PTPRK: variants seen among roughly 807,000 people sequenced by gnomAD.
PTPRK encodes protein tyrosine phosphatase receptor type K, also known as receptor-type tyrosine-protein phosphatase kappa.
Under a neutral mutation model 178.0 loss-of-function variants are expected in PTPRK, and 75 were observed. The observed-to-expected ratio is 0.42, with a 90% confidence interval of 0.35 to 0.51. The LOEUF (loss-of-function observed/expected upper bound fraction) is 0.51, where lower values mean the gene tolerates loss of function less well. PTPRK is among the 20% of genes least tolerant of loss of function. The probability of loss-of-function intolerance (pLI) is 0.02; values close to 1 mark genes in which losing one functional copy is unlikely to be tolerated. For missense variants in PTPRK, 1,441 were observed against 1,797.8 expected (o/e 0.80, Z 3.59); for synonymous variants, 637 against 620.6 (o/e 1.03, Z -0.39).
At chr6:127,993,671 T>C (rs1342605801) in intron 18 of PTPRK, among the ~76,000 whole-genome samples, 2 of 151,686 alleles carry the variant, frequency 1.3e-5, no homozygotes, top group East Asian at 3.9e-4. Context: ...TATACCACAA[T>C]GTTTTATGGA....
chr6:128,342,050 C>T (rs1282089541), intron 2 of PTPRK, among the ~76,000 whole-genome samples: 1 of 152,034 alleles, frequency 6.6e-6, no homozygotes, highest in African/African-American at 2.4e-5. Context: ...GTCAGGAGTT[C>T]GAGACCAGCC....
rs1848704232 is a variant in PTPRK at position 128,458,916 on chromosome 6, C to T, written c.101-61228G>A. ...ACAAACGACGGACATTTCTCATGGT[C>T]ATTCAAATATTCCTTCTATTATTAA... On this transcript the variant is annotated intron_variant, in intron 1 of 29. Coordinates refer to ENST00000368226, the MANE Select transcript of PTPRK (RefSeq NM_002844.4). 2.0e-5 allele frequency among the ~76,000 whole-genome samples: 3 copies of T among 152,258 alleles called. No individual in the cohort carries two copies. The South Asian group carries it at 6.2e-4, about 32-fold the overall frequency.
At chr6:128,294,393 G>T (rs1450728335) in intron 3 of PTPRK, among the ~76,000 whole-genome samples, 1 of 151,606 alleles carries the variant, frequency 6.6e-6, no homozygotes, top group Non-Finnish European at 1.5e-5. Context: ...TCTTTCTCCA[G>T]TGTACCCTGA....
At chr6:128,342,870 T>A (rs958949204) in intron 2 of PTPRK, among the ~76,000 whole-genome samples, 1 of 152,134 alleles carries the variant, frequency 6.6e-6, no homozygotes, top group Non-Finnish European at 1.5e-5. Context: ...GAGGATCACT[T>A]GAGCCCAGGA....
chr6:128,068,977 G>A (rs1232538724), intron 11 of PTPRK, among the ~76,000 whole-genome samples: 1 of 151,590 alleles, frequency 6.6e-6, no homozygotes, highest in Non-Finnish European at 1.5e-5. Context: ...GAGACAGAGA[G>A]AGAGAGGAGA....
At chr6:128,225,548 T>C (rs1811150107) in intron 5 of PTPRK, among the ~76,000 whole-genome samples, 1 of 152,130 alleles carries the variant, frequency 6.6e-6, no homozygotes, top group Non-Finnish European at 1.5e-5. Flanking sequence ...AAAGATACTA[T>C]CATCATCACA....
chr6:128,085,803 G>A lies in PTPRK; in HGVS notation c.1466-1979C>T, dbSNP rs377555985. On this transcript the variant is annotated intron_variant, in intron 8 of 29. Coordinates refer to ENST00000368226, the MANE Select transcript of PTPRK (RefSeq NM_002844.4). ...GACAAAAGTTTGTGGCAAAGTTGTG[G>A]ACAAGAGAGTGTCATACTACTTGTC... Among the ~76,000 whole-genome samples the A allele has an allele frequency of 3.3e-5, 5 of 152,276 alleles. No individual in the cohort carries two copies. The South Asian group carries it at 1.0e-3, about 32-fold the overall frequency.
intron 1 of PTPRK, among the ~76,000 whole-genome samples, chr6:128,475,411 A>G (rs1851250415): frequency 6.6e-6 from 1 of 152,096 alleles, no homozygotes; most frequent in South Asian, 2.1e-4. Flanking sequence ...ACAGCGAAAG[A>G]TAGATTGGTT....
chr6:128,436,917 T>G (rs1845669438), intron 1 of PTPRK, among the ~76,000 whole-genome samples: 1 of 152,214 alleles, frequency 6.6e-6, no homozygotes, highest in Non-Finnish European at 1.5e-5. Context: ...AGAGATCTGC[T>G]GTACAACGTT....
At chr6:128,236,305 A>C (rs1405200208) in intron 5 of PTPRK, among the ~76,000 whole-genome samples, 1 of 151,158 alleles carries the variant, frequency 6.6e-6, no homozygotes, top group Non-Finnish European at 1.5e-5. Flanking sequence ...ATAATCTGGA[A>C]GTTCTCTAAG....
chr6:128,316,817 A>G (rs1828064867), intron 3 of PTPRK, among the ~76,000 whole-genome samples: 1 of 151,194 alleles, frequency 6.6e-6, no homozygotes, highest in Non-Finnish European at 1.5e-5. Flanking sequence ...TCCTGGTTCA[A>G]GCGATTCTCC....
At chr6:128,285,351 C>T (rs1055307124) in intron 3 of PTPRK, among the ~76,000 whole-genome samples, 37 of 149,850 alleles carry the variant, frequency 2.5e-4, no homozygotes, top group African/African-American at 9.1e-4. Flanking sequence ...CCTGTCTCTA[C>T]TAAAAATACA....
At chr6:128,241,113 T>G (rs1384072486) in intron 4 of PTPRK, 5 of 418,540 alleles carry the variant, frequency 1.2e-5, no homozygotes, top group African/African-American at 1.0e-4. Context: ...GTAAGGCAGC[T>G]TGAACTTTAA....
intron 1 of PTPRK, among the ~76,000 whole-genome samples, chr6:128,449,087 C>T (rs542021709): frequency 6.6e-6 from 1 of 152,206 alleles, no homozygotes; most frequent in South Asian, 2.1e-4. Flanking sequence ...GTCTCAAACT[C>T]CTGACCTCGT....
intron 6 of PTPRK, among the ~76,000 whole-genome samples, chr6:128,200,223 T>A (rs1261024824): frequency 6.6e-6 from 1 of 152,204 alleles, no homozygotes; most frequent in African/African-American, 2.4e-5. Flanking sequence ...GTACTCTGCA[T>A]TGCCACTGTT....
At chr6:128,120,269 A>T (rs1792246231) in intron 7 of PTPRK, among the ~76,000 whole-genome samples, 1 of 151,904 alleles carries the variant, frequency 6.6e-6, no homozygotes, top group Non-Finnish European at 1.5e-5. Context: ...TTGGTGTTTC[A>T]AATAATATGT....
chr6:128,027,545 CT>C (rs1290792866), intron 13 of PTPRK, among the ~76,000 whole-genome samples: 1 of 151,840 alleles, frequency 6.6e-6, no homozygotes, highest in Non-Finnish European at 1.5e-5. Flanking sequence ...ATGCCAAACT[CT>C]TTTAATATAT....
At chr6:128,166,862 C>G (rs1562710900) in intron 7 of PTPRK, among the ~76,000 whole-genome samples, 1 of 151,358 alleles carries the variant, frequency 6.6e-6, no homozygotes, top group Non-Finnish European at 1.5e-5. Context: ...CACATATATC[C>G]CTATGTAAAT....
intron 7 of PTPRK, among the ~76,000 whole-genome samples, chr6:128,135,421 T>C (rs1164337170): frequency 6.6e-6 from 1 of 152,168 alleles, no homozygotes; most frequent in Non-Finnish European, 1.5e-5. Context: ...CCCTTAGATA[T>C]AAGGAGTTGT....
Sources: allele counts gnomAD v4.1 joint callset (sites outside exome capture counted in the v4.1 genomes callset), GRCh38; gene constraint gnomAD v4.1.1; transcripts MANE v1.5; gene names NCBI Gene and HGNC (gene_info 2026-07-23, HGNC 2026-07-21).